GRM4: variants seen among roughly 807,000 people sequenced by gnomAD.
GRM4 encodes glutamate metabotropic receptor 4.
GRM4 carries 28 observed loss-of-function variants against 81.7 expected under a neutral mutation model. That is an observed-to-expected ratio of 0.34 (90% CI 0.25 to 0.47). The LOEUF (loss-of-function observed/expected upper bound fraction) is 0.47, where lower values mean the gene tolerates loss of function less well. GRM4 is among the 20% of genes least tolerant of loss of function. GRM4 has a pLI of 1.00. For synonymous variants in GRM4, 488 were observed against 528.8 expected, an observed-to-expected ratio of 0.92 and a Z score of 1.06; for missense variants, 948 against 1,290.0, an observed-to-expected ratio of 0.73 and a Z score of 4.06.
intron 6 of GRM4, among the ~76,000 whole-genome samples, chr6:34,051,017 C>T (rs956193812): frequency 5.3e-5 from 8 of 152,214 alleles, no homozygotes; most frequent in Non-Finnish European, 1.0e-4. Flanking sequence ...AATGGAGGCA[C>T]GGCCTGGCAC....
intron 6 of GRM4, among the ~76,000 whole-genome samples, chr6:34,044,371 C>A (rs575485340): frequency 2.0e-5 from 3 of 150,574 alleles, no homozygotes; most frequent in South Asian, 2.1e-4. Context: ...CAGACACACA[C>A]ATACACACAC....
intron 3 of GRM4, among the ~76,000 whole-genome samples, chr6:34,086,091 C>T (rs1266889924): frequency 6.6e-6 from 1 of 152,218 alleles, no homozygotes; most frequent in South Asian, 2.1e-4. Context: ...GAACAGGCAC[C>T]CTTAATGTGA....
Position 34,035,699 on chromosome 6 carries a change from A to T in GRM4, c.2411T>A (p.Ile804Asn). 6.3e-7 allele frequency: 1 copy of T among 1,588,770 alleles called. No individual in the cohort carries two copies. Residue 804 changes from isoleucine to asparagine, a missense_variant, in exon 9 of 11, where the codon ATC becomes AAC. Ile to Asn is a moderately radical substitution (Grantham distance 149, BLOSUM62 -3). Coordinates refer to ENST00000538487, the MANE Select transcript of GRM4 (RefSeq NM_000841.4). This position sits in a 1 kb window ranked among gnomAD's most constrained non-coding sequence, Gnocchi z 6.6. ...GGCCGACTGCGAGGTGCCAAAGAAG[A>T]TGGGGATGAAGGCCAGCCAGACGAT... The part of the protein sequence containing the change: ...TCIVWLAFIP[I>N]FFGTSQSADK...
At chr6:34,102,521 CTT>C (rs1768897300) in intron 2 of GRM4, among the ~76,000 whole-genome samples, 1 of 152,146 alleles carries the variant, frequency 6.6e-6, no homozygotes, top group Non-Finnish European at 1.5e-5. Context: ...CACTTCAAGA[CTT>C]TGCTCAAATG....
chr6:34,142,695 C>T (rs373566953), intron 1 of GRM4, among the ~76,000 whole-genome samples: 19 of 152,210 alleles, frequency 1.2e-4, no homozygotes, highest in African/African-American at 3.9e-4. Context: ...CAGTTTCACT[C>T]GATCGCTCAC....
intron 6 of GRM4, among the ~76,000 whole-genome samples, chr6:34,052,436 C>A (rs1765661212): frequency 6.6e-6 from 1 of 152,152 alleles, no homozygotes; most frequent in African/African-American, 2.4e-5. Flanking sequence ...GTGTAAGATC[C>A]CAGGATAAGG....
intron 2 of GRM4, among the ~76,000 whole-genome samples, chr6:34,097,380 G>A (rs1372589886): frequency 6.6e-6 from 1 of 152,142 alleles, no homozygotes; most frequent in East Asian, 1.9e-4. Flanking sequence ...GCCTGTGTGT[G>A]TGTGTGAGCA....
In GRM4 at chr6:34,152,238, C is replaced by G. The variant is rs147502371; in HGVS notation, c.312+2841G>C. 2.5e-3 allele frequency among the ~76,000 whole-genome samples: 378 copies of G among 152,272 alleles called. 5 individuals are homozygous for G. Among genetic ancestry groups the G allele is most frequent in the African/African-American group, 8.4e-3 (349 of 41,560 alleles). On this transcript the variant is annotated intron_variant, in intron 1 of 8. Coordinates refer to the GRM4 transcript ENST00000374177. The surrounding 1 kb of genome is among the most constrained non-coding windows in gnomAD (Gnocchi z 4.1). ...ACAAGACAGAGAGCTGGACGTAGGC[C>G]CCGGGACCTCCCACCGGCAGAGCCT...
chr6:34,076,850 C>T (rs555225228), intron 3 of GRM4, among the ~76,000 whole-genome samples: 4 of 152,134 alleles, frequency 2.6e-5, no homozygotes, highest in South Asian at 2.1e-4. Context: ...GGAGCCTCAA[C>T]GCTTGGGGGC....
At chr6:34,028,821 G>A (rs1397472304) in intron 9 of GRM4, among the ~76,000 whole-genome samples, 1 of 152,130 alleles carries the variant, frequency 6.6e-6, no homozygotes, top group Non-Finnish European at 1.5e-5. Context: ...GCACCCCTTG[G>A]TGCTTTGGGA....
intron 3 of GRM4, among the ~76,000 whole-genome samples, chr6:34,087,794 A>G (rs1767985741): frequency 1.5e-5 from 2 of 131,132 alleles, no homozygotes; most frequent in Non-Finnish European, 3.3e-5. Flanking sequence ...CCAGACATGC[A>G]CCCCTACACA....
chr6:34,033,756 G>C (rs1424188638), intron 9 of GRM4, among the ~76,000 whole-genome samples: 1 of 150,130 alleles, frequency 6.7e-6, no homozygotes, highest in Non-Finnish European at 1.5e-5. Flanking sequence ...TCTTTTTCAT[G>C]AGATAGACTG....
intron 2 of GRM4, among the ~76,000 whole-genome samples, chr6:34,119,986 G>A (rs566287873): frequency 1.3e-5 from 2 of 152,322 alleles, no homozygotes; most frequent in East Asian, 1.9e-4. Flanking sequence ...GGAAGGGTGC[G>A]CAGGGAATAA....
chr6:34,155,346 G>A, exon 1 of GRM4: 1 of 1,508,764 alleles, frequency 6.6e-7, no homozygotes, highest in Non-Finnish European at 8.8e-7. Context: ...AAGGAGGGGC[G>A]CGCCAGCCGC....
chr6:34,111,885 G>C lies in GRM4; in HGVS notation c.520-19786C>G, dbSNP rs550338681. ...TGCTTGGGGGAGTGTGGCCAGACCA[G>C]ACGCACCCCCACCTGTTCCATTTCC... On this transcript the variant is annotated intron_variant, in intron 2 of 10. Coordinates refer to ENST00000538487, the MANE Select transcript of GRM4 (RefSeq NM_000841.4). This position sits in a 1 kb window ranked among gnomAD's most constrained non-coding sequence, Gnocchi z 5.1. Among the ~76,000 whole-genome samples, 1 of 152,160 alleles carries C rather than the reference G, an allele frequency of 6.6e-6. No individual in the cohort carries two copies. Among genetic ancestry groups the C allele is most frequent in the East Asian group, 1.9e-4 (1 of 5,164 alleles).
intron 2 of GRM4, among the ~76,000 whole-genome samples, chr6:34,117,598 C>T: frequency 6.6e-6 from 1 of 152,178 alleles, no homozygotes; most frequent in East Asian, 1.9e-4. Context: ...AAGCCATAGT[C>T]CCTGGCTCCC....
chr6:34,079,045 A>G (rs1306956394), intron 3 of GRM4, among the ~76,000 whole-genome samples: 2 of 152,138 alleles, frequency 1.3e-5, no homozygotes, highest in African/African-American at 4.8e-5. Flanking sequence ...GCTAATTCCT[A>G]TCTCTGTAAT....
rs139952713 is a variant in GRM4 at position 34,131,472 on chromosome 6, C to T, written c.519+1506G>A. Reference sequence around the variant, plus strand: ...CTATATTCGAGGCCCACAGAGCATACCAGAGACATGACTGCATACACAGGT... The same window carrying T: ...CTATATTCGAGGCCCACAGAGCATATCAGAGACATGACTGCATACACAGGT... On this transcript the variant is annotated intron_variant, in intron 2 of 10. Coordinates refer to ENST00000538487, the MANE Select transcript of GRM4 (RefSeq NM_000841.4). Among the ~76,000 whole-genome samples the T allele has an allele frequency of 8.7e-4, 132 of 152,298 alleles. 1 individual carries two copies. Among genetic ancestry groups the T allele is most frequent in the Admixed American group, 2.4e-3 (36 of 15,304 alleles).
chr6:34,101,449 C>A lies in GRM4; in HGVS notation c.520-9350G>T, dbSNP rs370264325. 3.3e-5 allele frequency among the ~76,000 whole-genome samples: 5 copies of A among 152,160 alleles called. No homozygotes were observed. The East Asian group carries it at 9.6e-4, about 29-fold the overall frequency. ...GCTGTCAGGTAAAACCTGTCTCCTG[C>A]GTACACGGTGGGCCTACACATGCAT... On this transcript the variant is annotated intron_variant, in intron 2 of 10. Transcript: ENST00000538487.
Sources: allele counts gnomAD v4.1 joint callset (sites outside exome capture counted in the v4.1 genomes callset), GRCh38; gene constraint gnomAD v4.1.1; non-coding constraint Gnocchi (gnomAD v3.1); transcripts MANE v1.5; gene names NCBI Gene and HGNC (gene_info 2026-07-23, HGNC 2026-07-21).